The following CDH7 variants were observed in gnomAD, a reference collection of about 807,000 sequenced individuals.
The protein encoded by CDH7 is cadherin-7.
CDH7 carries 25 observed loss-of-function variants against 71.8 expected under a neutral mutation model. The ratio of observed to expected loss-of-function variants is 0.35; its 90% CI spans 0.25 to 0.49. The LOEUF is 0.49. Among genes scored for constraint, CDH7 ranks in the 20% least tolerant of loss-of-function variants. The probability of loss-of-function intolerance (pLI) is 0.99; values close to 1 mark genes in which losing one functional copy is unlikely to be tolerated. For missense variants in CDH7, 862 were observed against 974.6 expected (o/e 0.88, Z 1.54); for synonymous variants, 381 against 363.8 (o/e 1.05, Z -0.54).
chr18:65,880,452 T>C lies in CDH7; in HGVS notation c.1916T>C (p.Ile639Thr). 6.3e-7 allele frequency: 1 copy of C among 1,576,304 alleles called. No individual in the cohort carries two copies. The highest frequency in any genetic ancestry group is 8.6e-7 in the Non-Finnish European group (1 of 1,167,418). ...TMRRRKKEPL[I>T]FDEERDIREN... ...AGAAGACGGAAAAAAGAGCCCCTTA[T>C]TTTTGACGAAGAAAGAGACATCAGA... The change falls in exon 12 of 12, where the codon ATT (isoleucine) becomes ACT (threonine). Residue 639 changes from isoleucine to threonine, a missense_variant. Ile to Thr is a moderately conservative substitution (Grantham distance 89, BLOSUM62 -1). Coordinates refer to ENST00000397968, the MANE Select transcript of CDH7 (RefSeq NM_004361.5).
At chr18:65,875,922 C>A (rs928320349) in intron 11 of CDH7, among the ~76,000 whole-genome samples, 1 of 152,088 alleles carries the variant, frequency 6.6e-6, no homozygotes, top group African/African-American at 2.4e-5. Context: ...AAGTGAGACT[C>A]TGTCTCCAAA....
intron 2 of CDH7, among the ~76,000 whole-genome samples, chr18:65,798,264 G>A (rs12326501): frequency 0.38 from 57,696 of 152,106 alleles, 12,104 homozygotes; most frequent in African/African-American, 0.56. Flanking sequence ...TGAAAGAAAC[G>A]AGTGACACAC....
intron 2 of CDH7, among the ~76,000 whole-genome samples, chr18:65,764,680 T>C (rs1330439759): frequency 6.6e-6 from 1 of 152,062 alleles, no homozygotes; most frequent in Non-Finnish European, 1.5e-5. Context: ...AAGTAATAGT[T>C]ATTAAGCAAA....
chr18:65,753,610 A>C (rs946340122), intron 1 of CDH7, among the ~76,000 whole-genome samples: 2 of 152,198 alleles, frequency 1.3e-5, no homozygotes, highest in African/African-American at 4.8e-5. Context: ...AAGGAATCAG[A>C]TGCTACTTGG....
intron 2 of CDH7, among the ~76,000 whole-genome samples, chr18:65,768,288 C>T (rs1016557307): frequency 1.3e-5 from 2 of 151,644 alleles, no homozygotes; most frequent in Admixed American, 6.6e-5. Context: ...CAGACTGGCA[C>T]GTAGTGACGC....
intron 6 of CDH7, among the ~76,000 whole-genome samples, chr18:65,829,662 C>T (rs1176176277): frequency 1.3e-5 from 2 of 149,874 alleles, no homozygotes; most frequent in African/African-American, 2.5e-5. Context: ...TTCGTGCCCC[C>T]TTACCATACT....
intron 2 of CDH7, among the ~76,000 whole-genome samples, chr18:65,765,879 A>G (rs964149094): frequency 2.0e-5 from 3 of 152,168 alleles, no homozygotes; most frequent in Admixed American, 6.6e-5. Flanking sequence ...ATAAAATAGA[A>G]AAATGGTATC....
In CDH7 at chr18:65,859,937, T is replaced by G. The variant is rs1023254565; in HGVS notation, c.1612+112T>G. The stretch of plus-strand genomic sequence containing the variant: ...ATTTTTTTTAAAGCAAGGACAATAA[T>G]TAAAGGGCAATGAGCACCTCAAGTA... On this transcript the variant is annotated intron_variant, in intron 10 of 11. Coordinates refer to ENST00000397968, the MANE Select transcript of CDH7 (RefSeq NM_004361.5). 3.0e-6 allele frequency: 2 copies of G among 659,164 alleles called. 1 individual carries two copies. Among genetic ancestry groups the G allele is most frequent in the Middle Eastern group, 8.3e-4 (2 of 2,410 alleles). The allele number at this position is 659,164 out of a possible 1,614,324, so 40.8% of individuals were successfully genotyped here. A position where few individuals can be genotyped will look rare whatever the true frequency, so the allele number is the denominator to read the frequency against.
chr18:65,841,840 T>G (rs904226111), intron 6 of CDH7, among the ~76,000 whole-genome samples: 1 of 152,036 alleles, frequency 6.6e-6, no homozygotes, highest in Non-Finnish European at 1.5e-5. Flanking sequence ...GGGTTCTCAT[T>G]CTCACCTTTT....
At chr18:65,773,223 A>C (rs1916596970) in intron 2 of CDH7, among the ~76,000 whole-genome samples, 1 of 152,156 alleles carries the variant, frequency 6.6e-6, no homozygotes. Flanking sequence ...CAAAAAGTAT[A>C]AATTGTATAA....
chr18:65,875,951 C>T (rs1195396487), intron 11 of CDH7, among the ~76,000 whole-genome samples: 2 of 152,072 alleles, frequency 1.3e-5, no homozygotes, highest in Admixed American at 6.6e-5. Flanking sequence ...ATAAAACTGA[C>T]AACACATCAG....
chr18:65,759,726 C>T (rs561919240), intron 1 of CDH7, among the ~76,000 whole-genome samples: 5 of 152,108 alleles, frequency 3.3e-5, no homozygotes, highest in African/African-American at 7.2e-5. Context: ...AATAAAATCC[C>T]GGAGCAATCC....
At chr18:65,817,359 G>A (rs2143925204) in intron 4 of CDH7, among the ~76,000 whole-genome samples, 1 of 152,216 alleles carries the variant, frequency 6.6e-6, no homozygotes, top group South Asian at 2.1e-4. Context: ...TTGAAAGCTT[G>A]CTGAGAACAT....
chr18:65,777,167 G>T (rs1909978405), intron 2 of CDH7, among the ~76,000 whole-genome samples: 1 of 152,076 alleles, frequency 6.6e-6, no homozygotes. Context: ...TAAATAAAAT[G>T]AAAGACCTGA....
At chr18:65,832,578 A>T (rs1265727850) in intron 6 of CDH7, among the ~76,000 whole-genome samples, 1 of 152,028 alleles carries the variant, frequency 6.6e-6, no homozygotes, top group African/African-American at 2.4e-5. Flanking sequence ...AAAAATGATG[A>T]TGAAATTTTC....
intron 6 of CDH7, among the ~76,000 whole-genome samples, chr18:65,841,265 A>T: frequency 6.6e-6 from 1 of 152,108 alleles, no homozygotes; most frequent in Admixed American, 6.6e-5. Flanking sequence ...TGCTCCTTTT[A>T]GATACATTTA....
At chr18:65,806,148 A>G (rs888618959) in intron 2 of CDH7, among the ~76,000 whole-genome samples, 4 of 152,152 alleles carry the variant, frequency 2.6e-5, no homozygotes, top group Non-Finnish European at 5.9e-5. Context: ...AGTCTGATTG[A>G]TATTTCTTAC....
At chr18:65,753,436 A>G (rs943097691) in intron 1 of CDH7, among the ~76,000 whole-genome samples, 1 of 152,222 alleles carries the variant, frequency 6.6e-6, no homozygotes, top group East Asian at 1.9e-4. Flanking sequence ...AGCTTGTATC[A>G]CATCACAGTT....
chr18:65,751,405 A>T (rs934837260), intron 1 of CDH7, among the ~76,000 whole-genome samples: 1 of 152,176 alleles, frequency 6.6e-6, no homozygotes, highest in African/African-American at 2.4e-5. Context: ...GTGCGACACG[A>T]GGAGTAGTAG....
Sources: gnomAD v4.1 joint callset for allele counts (sites outside exome capture counted in the v4.1 genomes callset) on GRCh38, gnomAD v4.1.1 for gene constraint, MANE v1.5 for transcripts, NCBI Gene and HGNC (gene_info 2026-07-23, HGNC 2026-07-21) for gene names.